The following SHC3 variants were observed in gnomAD, a reference collection of about 807,000 sequenced individuals.
The protein encoded by SHC3 is SHC adaptor protein 3, also known as SHC-transforming protein 3.
A neutral mutation model predicts 60.4 loss-of-function variants in SHC3; 15 were observed. The ratio of observed to expected loss-of-function variants is 0.25; its 90% confidence interval spans 0.17 to 0.38. The LOEUF (loss-of-function observed/expected upper bound fraction) is 0.38, where lower values mean the gene tolerates loss of function less well. Among genes scored for constraint, SHC3 ranks in the 10% least tolerant of loss-of-function variants. The pLI is 1.00. For missense variants in SHC3, 677 were observed against 786.1 expected (o/e 0.86, Z 1.66); for synonymous variants, 294 against 325.9 (o/e 0.90, Z 1.05).
chr9:89,082,179 A>T (rs1181778946), intron 2 of SHC3, among the ~76,000 whole-genome samples: 3 of 151,966 alleles, frequency 2.0e-5, no homozygotes, highest in Non-Finnish European at 4.4e-5. Context: ...CCTCTCAGGG[A>T]CACTTTCCTT....
chr9:89,127,107 TAGC>T (rs1237412818), intron 1 of SHC3, among the ~76,000 whole-genome samples: 8 of 152,202 alleles, frequency 5.3e-5, no homozygotes, highest in African/African-American at 1.9e-4. Context: ...TGTAGCTCAG[TAGC>T]TAAAGGTTTT....
At chr9:89,160,619 TAAG>T (rs1826690905) in intron 1 of SHC3, among the ~76,000 whole-genome samples, 1 of 152,198 alleles carries the variant, frequency 6.6e-6, no homozygotes, top group African/African-American at 2.4e-5. Context: ...GTGAAAGTGT[TAAG>T]GAGTTTATTT....
intron 7 of SHC3, among the ~76,000 whole-genome samples, chr9:89,048,227 G>A (rs1824804262): frequency 7.4e-6 from 1 of 135,366 alleles, no homozygotes; most frequent in Non-Finnish European, 1.6e-5. Context: ...CTGGGCAATG[G>A]AGTAAGACTC....
At position 89,012,867 on chromosome 9, in the gene SHC3, C is replaced by T; in HGVS notation, c.*580G>A. ...CACCCCAGGCACGTGGAGTGCAGTGCAGGGAGCACAGGAGGTGTCCCAGGG... is the reference window on the plus strand; with the variant it reads ...CACCCCAGGCACGTGGAGTGCAGTGTAGGGAGCACAGGAGGTGTCCCAGGG... On this transcript the variant is annotated 3_prime_UTR_variant, in exon 12 of 12. Transcript: ENST00000375835. 1 of 152,310 alleles carries T rather than the reference C, an allele frequency of 6.6e-6. No individual in the cohort carries two copies. Among genetic ancestry groups the T allele is most frequent in the Non-Finnish European group, 1.5e-5 (1 of 68,086 alleles). 9.4% of individuals were successfully genotyped at this position (152,310 alleles called of 1,614,324 possible). A position where few individuals can be genotyped will look rare whatever the true frequency, so the allele number is the denominator to read the frequency against.
chr9:89,173,484 G>A (rs1826899058), intron 1 of SHC3, among the ~76,000 whole-genome samples: 5 of 152,248 alleles, frequency 3.3e-5, no homozygotes, highest in Admixed American at 3.3e-4. Context: ...TTATAGGATG[G>A]AAGTTTTGTC....
At chr9:89,116,448 GT>G (rs1826020314) in intron 1 of SHC3, among the ~76,000 whole-genome samples, 1 of 152,110 alleles carries the variant, frequency 6.6e-6, no homozygotes, top group Non-Finnish European at 1.5e-5. Context: ...CCACCACAGA[GT>G]TTATGGATAC....
intron 2 of SHC3, among the ~76,000 whole-genome samples, chr9:89,101,604 CAT>C (rs201084949): frequency 2.5e-4 from 37 of 148,012 alleles, no homozygotes; most frequent in Middle Eastern, 6.9e-3. Flanking sequence ...TTGAGATTTT[CAT>C]ATATATATAT....
rs1013326825 is a variant in SHC3, at chr9:89,099,429, A to G, written c.545+13127T>C. ...TCACGTTTGTGCTTTTCTATGGAAT[A>G]TCATCCTCTGAGCCATCAAGAATGT... On this transcript the variant is annotated intron_variant, in intron 2 of 11. Coordinates refer to ENST00000375835, the MANE Select transcript of SHC3 (RefSeq NM_016848.6). 1.1e-4 allele frequency among the ~76,000 whole-genome samples: 16 copies of G among 152,368 alleles called. 1 individual carries two copies. Among genetic ancestry groups the G allele is most frequent in the Middle Eastern group, 6.8e-3 (2 of 294 alleles).
intron 6 of SHC3, among the ~76,000 whole-genome samples, chr9:89,063,948 A>G (rs1429096000): frequency 6.6e-6 from 1 of 152,200 alleles, no homozygotes; most frequent in Non-Finnish European, 1.5e-5. Flanking sequence ...AACAACAGAC[A>G]TTTGTTTCTC....
chr9:89,132,332 G>T (rs1317277194), intron 1 of SHC3, among the ~76,000 whole-genome samples: 1 of 152,162 alleles, frequency 6.6e-6, no homozygotes, highest in African/African-American at 2.4e-5. Context: ...TGGCCATACT[G>T]CCCAAGGTAA....
chr9:89,164,898 A>T (rs1587765361), intron 1 of SHC3, among the ~76,000 whole-genome samples: 2 of 152,344 alleles, frequency 1.3e-5, no homozygotes, highest in Middle Eastern at 6.8e-3. Context: ...AACTGCACTC[A>T]AAACCCCAGC....
chr9:89,154,926 G>A (rs1168409763), intron 1 of SHC3, among the ~76,000 whole-genome samples: 2 of 152,244 alleles, frequency 1.3e-5, no homozygotes, highest in Admixed American at 6.5e-5. Flanking sequence ...CTAAAGCCAC[G>A]TTCTAGCTAG....
rs1192540544 is a variant in SHC3, at chr9:89,009,742, G to T, written c.*3705C>A. ...GCCTATAGTCCGAGGCTTCTGCCCA[G>T]CTCAGCCCAACAGAAAAGAAATGTG... On this transcript the variant is annotated 3_prime_UTR_variant, in exon 12 of 12. Coordinates refer to ENST00000375835, the MANE Select transcript of SHC3 (RefSeq NM_016848.6). 1 of 152,230 alleles carries T rather than the reference G, an allele frequency of 6.6e-6. No homozygotes were observed. The highest frequency in any genetic ancestry group is 2.4e-5 in the African/African-American group (1 of 41,458). The allele number at this position is 152,230 out of a possible 1,614,324, so 9.4% of individuals were successfully genotyped here. A position where few individuals can be genotyped will look rare whatever the true frequency, so the allele number is the denominator to read the frequency against.
intron 9 of SHC3, among the ~76,000 whole-genome samples, chr9:89,043,142 G>C (rs1824714687): frequency 6.6e-6 from 1 of 152,196 alleles, no homozygotes; most frequent in Admixed American, 6.5e-5. Flanking sequence ...GCTCAATCCA[G>C]CTGGCAGGAG....
intron 6 of SHC3, among the ~76,000 whole-genome samples, chr9:89,056,104 G>T (rs1274756633): frequency 6.6e-6 from 1 of 152,186 alleles, no homozygotes; most frequent in Non-Finnish European, 1.5e-5. Context: ...CATCCTGGAG[G>T]TACATTTCTT....
chr9:89,144,467 C>A (rs1403311544), intron 1 of SHC3, among the ~76,000 whole-genome samples: 1 of 152,128 alleles, frequency 6.6e-6, no homozygotes, highest in Non-Finnish European at 1.5e-5. Context: ...TGCTAATGAT[C>A]TGGTCAGAGA....
At position 89,148,250 on chromosome 9, in the gene SHC3, C is replaced by T. The variant is rs572485394; in HGVS notation, c.474+29737G>A. Among the ~76,000 whole-genome samples the T allele has an allele frequency of 9.9e-5, 15 of 152,206 alleles. 1 individual carries two copies. The East Asian group carries it at 2.9e-3, about 29-fold the overall frequency. On this transcript the variant is annotated intron_variant, in intron 1 of 11. Coordinates refer to ENST00000375835, the MANE Select transcript of SHC3 (RefSeq NM_016848.6). The stretch of plus-strand genomic sequence containing the variant: ...ATATTTCGCGATTAAATAGGCCTTC[C>T]CCTCAGCTATATGAATTCAGGTGGA...
At chr9:89,055,443 TC>T (rs1824933554) in intron 6 of SHC3, among the ~76,000 whole-genome samples, 1 of 152,174 alleles carries the variant, frequency 6.6e-6, no homozygotes, top group Non-Finnish European at 1.5e-5. Flanking sequence ...TAAGAAACAA[TC>T]CCAACGTCTC....
chr9:89,144,951 A>G (rs1350345697), intron 1 of SHC3, among the ~76,000 whole-genome samples: 1 of 152,196 alleles, frequency 6.6e-6, no homozygotes. Context: ...CCTAAAATAC[A>G]AATAGGTTTC....
Sources: allele counts gnomAD v4.1 joint callset (sites outside exome capture counted in the v4.1 genomes callset), GRCh38; gene constraint gnomAD v4.1.1; transcripts MANE v1.5; gene names NCBI Gene and HGNC (gene_info 2026-07-23, HGNC 2026-07-21).